The following ZNF28 variants were observed in gnomAD, a reference collection of about 807,000 sequenced individuals.
The protein encoded by ZNF28 is zinc finger protein KOX24.
A neutral mutation model predicts 7.2 loss-of-function variants in ZNF28; 5 were observed. That is an observed-to-expected ratio of 0.70 (90% CI 0.36 to 1.46). The LOEUF is 1.46. Among genes scored for constraint, ZNF28 ranks in the 40% most tolerant of loss-of-function variants. The probability of loss-of-function intolerance (pLI) is 0.03; values close to 1 mark genes in which losing one functional copy is unlikely to be tolerated. For missense variants in ZNF28, 879 were observed against 866.6 expected, an observed-to-expected ratio of 1.01 and a Z score of -0.18; for synonymous variants, 288 against 292.4, an observed-to-expected ratio of 0.99 and a Z score of 0.15.
intron 1 of ZNF28, among the ~76,000 whole-genome samples, chr19:52,821,011 G>A (rs576680604): frequency 4.6e-5 from 7 of 152,238 alleles, no homozygotes; most frequent in Non-Finnish European, 8.8e-5. Flanking sequence ...AGCTGGGCGG[G>A]CAAGAACACC....
rs150836881 is a variant in ZNF28, at chr19:52,806,842, C to T, written c.142+1165G>A. On this transcript the variant is annotated intron_variant, in intron 3 of 3. Coordinates refer to ENST00000457749, the MANE Select transcript of ZNF28 (RefSeq NM_006969.5). ...CTTTGAGCCCAGGAGGCAGAGGCTG[C>T]AGTTAGCCAAGATCGTACCAGTGCA... 2.2e-3 allele frequency among the ~76,000 whole-genome samples: 335 copies of T among 152,186 alleles called. 1 individual carries two copies. Among genetic ancestry groups the T allele is most frequent in the African/African-American group, 7.3e-3 (303 of 41,520 alleles).
chr19:52,811,491 G>C (rs879279006), intron 2 of ZNF28, among the ~76,000 whole-genome samples: 1 of 148,664 alleles, frequency 6.7e-6, no homozygotes, highest in African/African-American at 2.5e-5. Flanking sequence ...AGTGAGGAGC[G>C]TCTCTGCCCG....
intron 2 of ZNF28, among the ~76,000 whole-genome samples, chr19:52,811,224 C>T (rs974980225): frequency 1.7e-4 from 26 of 151,222 alleles, no homozygotes; most frequent in African/African-American, 2.4e-4. Context: ...AGTGCAGCGG[C>T]GTGATCTCGG....
At chr19:52,802,231 T>G (rs2062881130) in intron 3 of ZNF28, among the ~76,000 whole-genome samples, 1 of 152,206 alleles carries the variant, frequency 6.6e-6, no homozygotes. Context: ...TAGCCAGGTA[T>G]GGTGGCCCGT....
rs751989975 is a variant in ZNF28, at chr19:52,799,979, A to C, written c.1866T>G (p.Leu622=). ...CGKTFRQTSS[L]IIHRRLHTGE... Reference sequence around the variant, plus strand: ...CAGTATGAAGCCTACGATGGATTATAAGCGATGATGTCTGACGGAAGGTCT... The same window carrying C: ...CAGTATGAAGCCTACGATGGATTATCAGCGATGATGTCTGACGGAAGGTCT... Residue 622 remains leucine (L), a synonymous_variant, in exon 4 of 4, where the codon CTT becomes CTG. Transcript: ENST00000457749. The C allele has an allele frequency of 6.2e-7, 1 of 1,612,634 alleles. No homozygotes were observed. Among genetic ancestry groups the C allele is most frequent in the Non-Finnish European group, 8.5e-7 (1 of 1,179,506 alleles).
Position 52,800,911 on chromosome 19 carries a change from A to G in ZNF28, c.934T>C (p.Ser312Pro), listed in dbSNP as rs2062859392. The G allele has an allele frequency of 1.2e-6, 2 of 1,614,058 alleles. No homozygotes were observed. Among genetic ancestry groups the G allele is most frequent in the East Asian group, 4.5e-5 (2 of 44,866 alleles). ...ATTATCTTATGTGTTTCAAGGTGTG[A>G]TTTGCGACTGAAAACTTTGTCACAT... ...EECDKVFSRK[S>P]HLETHKIIYT... The change falls in exon 4 of 4, where the codon TCA (serine) becomes CCA (proline). Residue 312 changes from serine (S) to proline (P), a missense_variant. Ser to Pro is a moderately conservative substitution (Grantham distance 74). Transcript: ENST00000457749.
chr19:52,813,935 A>AT lies in ZNF28; in HGVS notation c.15+4008dup, dbSNP rs958446152. ...GGGAGGTGGGAGATGGACTCTGTTTATTTTTTTAAGCTCATTTCCAGGGGT... is the reference window on the plus strand; with the variant it reads ...GGGAGGTGGGAGATGGACTCTGTTTATTTTTTTTAAGCTCATTTCCAGGGGT... On this transcript the variant is annotated intron_variant, in intron 2 of 3. Coordinates refer to ENST00000457749, the MANE Select transcript of ZNF28 (RefSeq NM_006969.5). Among the ~76,000 whole-genome samples, 12 of 145,598 alleles carry AT rather than the reference A, an allele frequency of 8.2e-5. 2 individuals carry two copies. Among genetic ancestry groups the AT allele is most frequent in the Admixed American group, 7.6e-4 (11 of 14,488 alleles).
At chr19:52,809,985 G>A (rs1435069292) in intron 2 of ZNF28, 2 of 777,424 alleles carry the variant, frequency 2.6e-6, no homozygotes, top group Non-Finnish European at 4.5e-6. Flanking sequence ...GGAGTCTGAG[G>A]AACTGGAGCC....
chr19:52,816,834 AAATAATAATAATAATAAT>A (rs34015590), intron 2 of ZNF28, among the ~76,000 whole-genome samples: 1 of 138,402 alleles, frequency 7.2e-6, no homozygotes, highest in Non-Finnish European at 1.5e-5. Context: ...CCGTTTCAGA[AAATAATAATAATAATAAT>A]AATAATAATA....
In ZNF28 at chr19:52,799,231, A is replaced by T; in HGVS notation, c.*457T>A. 1 of 401,720 alleles carries T rather than the reference A, an allele frequency of 2.5e-6. No individual in the cohort carries two copies. The allele number at this position is 401,720 out of a possible 1,614,324, so 24.9% of individuals were successfully genotyped here. A position where few individuals can be genotyped will look rare whatever the true frequency, so the allele number is the denominator to read the frequency against. ...ATTGCCTTTTGAATTACAAGGTATG[A>T]ATTTTGACCAAAGGTGTTGCCACAC... On this transcript the variant is annotated 3_prime_UTR_variant, in exon 4 of 4. Coordinates refer to ENST00000457749, the MANE Select transcript of ZNF28 (RefSeq NM_006969.5).
rs150346798 is a variant in ZNF28, at chr19:52,799,515, C to A, written c.*173G>T. On this transcript the variant is annotated 3_prime_UTR_variant, in exon 4 of 4. Transcript: ENST00000457749. Reference sequence around the variant, plus strand: ...ATTAAAAACCTTGCCACATTCATTACACTTGTAAAGTTTCTCTCCAGTATG... The same window carrying A: ...ATTAAAAACCTTGCCACATTCATTAAACTTGTAAAGTTTCTCTCCAGTATG... 1.6e-6 allele frequency: 2 copies of A among 1,237,356 alleles called. No homozygotes were observed. Among genetic ancestry groups the A allele is most frequent in the Non-Finnish European group, 2.3e-6 (2 of 856,632 alleles). The allele number at this position is 1,237,356 out of a possible 1,614,324, so 76.6% of individuals were successfully genotyped here.
At position 52,800,890 on chromosome 19, in the gene ZNF28, T is replaced by C. The variant is rs753919050; in HGVS notation, c.955A>G (p.Ile319Val). The C allele has an allele frequency of 6.9e-6, 11 of 1,596,122 alleles. No homozygotes were observed. In the Admixed American group the frequency reaches 1.9e-4, roughly 27 times the overall value. ...SRKSHLETHK[I>V]IYTGGKPYKC... is the part of the protein sequence containing the mutation. ...TATGGTTTCCCTCCAGTATAAATTA[T>C]CTTATGTGTTTCAAGGTGTGATTTG... Residue 319 changes from isoleucine (I) to valine (V), a missense_variant, in exon 4 of 4, where the codon ATA becomes GTA. Ile to Val is a conservative substitution (Grantham distance 29). Coordinates refer to ENST00000457749, the MANE Select transcript of ZNF28 (RefSeq NM_006969.5).
intron 3 of ZNF28, among the ~76,000 whole-genome samples, chr19:52,806,490 G>A (rs1339081444): frequency 3.9e-5 from 6 of 151,962 alleles, no homozygotes; most frequent in South Asian, 4.2e-4. Context: ...CACTGCACAC[G>A]TCCAGGTTAT....
intron 3 of ZNF28, chr19:52,805,517 C>T (rs1321176118): frequency 6.6e-6 from 1 of 151,682 alleles, no homozygotes; most frequent in East Asian, 1.9e-4. Context: ...GTTGCAGCTA[C>T]TCGGGAGGCT....
rs183378789 is a variant in ZNF28 at position 52,798,833 on chromosome 19, T to A, written c.*855A>T. On this transcript the variant is annotated 3_prime_UTR_variant, in exon 4 of 4. Transcript: ENST00000457749. ...GGTTGTAGCATTACTGAAAACTTTG[T>A]GACAATCATTATATTAGTCAAGTTT... 339 of 1,073,816 alleles carry A rather than the reference T, an allele frequency of 3.2e-4. 1 individual carries two copies. In the African/African-American group the frequency reaches 5.0e-3, roughly 16 times the overall value. 66.5% of individuals were successfully genotyped at this position (1,073,816 alleles called of 1,614,324 possible). A position where few individuals can be genotyped will look rare whatever the true frequency, so the allele number is the denominator to read the frequency against.
rs2904235 is a variant in ZNF28, at chr19:52,821,359, G to A, written c.-74+227C>T. On this transcript the variant is annotated intron_variant, in intron 1 of 3. Coordinates refer to ENST00000457749, the MANE Select transcript of ZNF28 (RefSeq NM_006969.5). ...GAGCAGGAAAACTACGAGATAGGAA[G>A]TGTATACATTGCCCTGTAGCAGAAA... Among the ~76,000 whole-genome samples the A allele has an allele frequency of 3.9e-3, 587 of 151,694 alleles. 3 individuals carry two copies. Among genetic ancestry groups the A allele is most frequent in the African/African-American group, 0.012 (482 of 41,412 alleles).
chr19:52,800,855 C>G lies in ZNF28; in HGVS notation c.990G>C (p.Lys330Asn). Reference sequence around the variant, plus strand: ...TACATGTGAAAGCTTTGTCACAAACCTTACATTTGTATGGTTTCCCTCCAG... The same window carrying G: ...TACATGTGAAAGCTTTGTCACAAACGTTACATTTGTATGGTTTCCCTCCAG... ...IYTGGKPYKCKVCDKAFTCNS... is the reference protein window; with the variant it reads ...IYTGGKPYKCNVCDKAFTCNS... Residue 330 changes from lysine to asparagine, a missense_variant, in exon 4 of 4, where the codon AAG becomes AAC. By Grantham distance (94) the Lys-to-Asn change is moderately conservative. This residue lies in a region of ZNF28 where 864 missense variants were observed against 830.2 expected (regional missense o/e 1.04). Coordinates refer to ENST00000457749, the MANE Select transcript of ZNF28 (RefSeq NM_006969.5). The G allele has an allele frequency of 6.2e-7, 1 of 1,613,936 alleles. No homozygotes were observed. The highest frequency in any genetic ancestry group is 8.5e-7 in the Non-Finnish European group (1 of 1,179,954).
chr19:52,819,770 T>C (rs961124994), intron 1 of ZNF28, among the ~76,000 whole-genome samples: 1 of 143,872 alleles, frequency 7.0e-6, no homozygotes, highest in Non-Finnish European at 1.5e-5. Flanking sequence ...GAAAATTCTT[T>C]TGAAAGGTTC....
rs572345382 is a variant in ZNF28 at position 52,800,038 on chromosome 19, C to A, written c.1807G>T (p.Gly603Ter). Reference sequence around the variant, plus strand: ...TCATTACACTTGTAAGGTTTCTCTCCAGTATGAACTCTCTGATGTTGTGCC... The same window carrying A: ...TCATTACACTTGTAAGGTTTCTCTCAAGTATGAACTCTCTGATGTTGTGCC... The part of the protein sequence containing the change: ...HLAQHQRVHT[G>*]EKPYKCNECG... Residue 603 changes from glycine (G) to a stop codon, truncating the protein, a stop_gained, in exon 4 of 4, where the codon GGA becomes TGA. Coordinates refer to ENST00000457749, the MANE Select transcript of ZNF28 (RefSeq NM_006969.5). LOFTEE classifies it low-confidence loss of function (END_TRUNC). 4.3e-6 allele frequency: 7 copies of A among 1,614,184 alleles called. No individual in the cohort carries two copies. The South Asian group carries it at 7.7e-5, about 18-fold the overall frequency.
Sources: gnomAD v4.1 joint callset for allele counts (sites outside exome capture counted in the v4.1 genomes callset) on GRCh38, gnomAD v4.1.1 for gene constraint, gnomAD v4.1.1 regional missense constraint, MANE v1.5 for transcripts, NCBI Gene and HGNC (gene_info 2026-07-23, HGNC 2026-07-21) for gene names.